Variants in MAB21L3 observed in about 807,000 individuals in gnomAD.
MAB21L3 encodes the protein protein mab-21-like 3.
In MAB21L3, 36 loss-of-function variants were observed where a neutral mutation model predicts 37.7. That is an observed-to-expected ratio of 0.96 (90% CI 0.73 to 1.26). The LOEUF (loss-of-function observed/expected upper bound fraction) is 1.26, where lower values mean the gene tolerates loss of function less well. MAB21L3 is among the 50% of genes most tolerant of loss of function. The probability of loss-of-function intolerance (pLI) is 0.00; values close to 1 mark genes in which losing one functional copy is unlikely to be tolerated. For missense variants in MAB21L3, 430 were observed against 447.3 expected (o/e 0.96, Z 0.35); for synonymous variants, 186 against 176.8 (o/e 1.05, Z -0.41).
At chr1:116,123,460 C>T (rs1234791290) in intron 4 of MAB21L3, among the ~76,000 whole-genome samples, 1 of 152,142 alleles carries the variant, frequency 6.6e-6, no homozygotes, top group African/African-American at 2.4e-5. Context: ...CTGTTACTTC[C>T]CACCTTTAAT....
At chr1:116,112,292 G>A in intron 2 of MAB21L3, 115 bp from the exon 3 acceptor site, 1 of 233,098 alleles carries the variant, frequency 4.3e-6, no homozygotes. Context: ...TTGGAAAATT[G>A]CTCTCTGGTG....
At position 116,124,224 on chromosome 1, in the gene MAB21L3, G is replaced by A. The variant is rs761408455; in HGVS notation, c.348G>A (p.Val116=). 3.9e-5 allele frequency: 63 copies of A among 1,614,090 alleles called. No homozygotes were observed. The highest frequency in any genetic ancestry group is 5.2e-5 in the Non-Finnish European group (61 of 1,180,042). ...DPEGLQQWLE[V]EQFMKSLWQW... ...AGGGTCTGCAGCAGTGGCTGGAGGTGGAACAGTTTATGAAGAGCCTGTGGC... is the reference window on the plus strand; with the variant it reads ...AGGGTCTGCAGCAGTGGCTGGAGGTAGAACAGTTTATGAAGAGCCTGTGGC... The change falls in exon 5 of 8, where the codon GTG becomes GTA. Residue 116 remains valine, a synonymous_variant. Transcript: ENST00000369500.
intron 5 of MAB21L3, among the ~76,000 whole-genome samples, chr1:116,126,996 G>A (rs1659925998): frequency 6.6e-6 from 1 of 152,200 alleles, no homozygotes; most frequent in South Asian, 2.1e-4. Flanking sequence ...AGGTAGGGTA[G>A]GCTAAGCTAT....
At chr1:116,132,185 A>G (rs1660083099) in intron 7 of MAB21L3, among the ~76,000 whole-genome samples, 1 of 152,144 alleles carries the variant, frequency 6.6e-6, no homozygotes, top group Admixed American at 6.5e-5. Context: ...ATGTAGTGAG[A>G]ATTAGAGCTG....
chr1:116,126,916 T>C lies in MAB21L3; in HGVS notation c.482-550T>C, dbSNP rs117502495. On this transcript the variant is annotated intron_variant, in intron 5 of 7. Transcript: ENST00000369500. ...TTCCATGAGATATTCAACACTTTAT[T>C]ATAAAATAGGCTTTGTGTTAGATGA... 6.6e-5 allele frequency among the ~76,000 whole-genome samples: 10 copies of C among 152,320 alleles called. 1 individual carries two copies. The East Asian group carries it at 1.9e-3, about 29-fold the overall frequency.
chr1:116,112,126 GT>G lies in MAB21L3; in HGVS notation c.-209-278del, dbSNP rs985756017. On this transcript the variant is annotated intron_variant, in intron 2 of 7. Coordinates refer to ENST00000369500, the MANE Select transcript of MAB21L3 (RefSeq NM_152367.3). ...TTTTCTGGCTTGGAGAGCAAGGGGT[GT>G]TTACTGTCAACAGGATAAGGACCAG... Among the ~76,000 whole-genome samples, 15 of 152,260 alleles carry G rather than the reference GT, an allele frequency of 9.9e-5. No homozygotes were observed. In the South Asian group the frequency reaches 1.7e-3, roughly 17 times the overall value.
intron 5 of MAB21L3, among the ~76,000 whole-genome samples, chr1:116,125,777 G>GTAAGATTT (rs1659892632): frequency 6.8e-6 from 1 of 146,048 alleles, no homozygotes; most frequent in African/African-American, 2.8e-5. Context: ...TTTCCTACCT[G>GTAAGATTT]TTTTAGAGAT....
intron 3 of MAB21L3, among the ~76,000 whole-genome samples, chr1:116,118,259 G>C (rs1017737145): frequency 2.0e-5 from 3 of 152,036 alleles, no homozygotes; most frequent in African/African-American, 4.8e-5. Flanking sequence ...GCACGTGCCT[G>C]TAGTCCCAGC....
In MAB21L3 at chr1:116,112,624, C is replaced by G; in HGVS notation, c.9C>G (p.Tyr3Ter). The change falls in exon 3 of 8, where the codon TAC (tyrosine) becomes TAG (stop). Residue 3 changes from tyrosine (Y) to a stop codon, truncating the protein, a stop_gained. Coordinates refer to ENST00000369500, the MANE Select transcript of MAB21L3 (RefSeq NM_152367.3). LOFTEE classifies it high-confidence loss of function. ...GGACTGACCAAGAAGCCATGAAATA[C>G]CTTACTGTGGGAGACTTAGAAGATT... MK[Y>*]LTVGDLEDCL... The G allele has an allele frequency of 6.2e-7, 1 of 1,613,574 alleles. No individual in the cohort carries two copies.
At chr1:116,112,692 A>G (rs767552206) in intron 3 of MAB21L3, 29 bp downstream of exon 3, 1 of 1,611,030 alleles carries the variant, frequency 6.2e-7, no homozygotes, top group Non-Finnish European at 8.5e-7. Context: ...TCTCCCATGA[A>G]CCCCCTCCCC....
chr1:116,119,698 G>C (rs920693748), intron 3 of MAB21L3, among the ~76,000 whole-genome samples: 2 of 152,178 alleles, frequency 1.3e-5, no homozygotes, highest in African/African-American at 4.8e-5. Context: ...TCCTGAGCAA[G>C]ATGACAAAGT....
chr1:116,125,889 C>T (rs953758418), intron 5 of MAB21L3, among the ~76,000 whole-genome samples: 3 of 151,854 alleles, frequency 2.0e-5, no homozygotes, highest in African/African-American at 4.9e-5. Flanking sequence ...GGGTGTGGGC[C>T]GGCAGGCTGG....
chr1:116,114,201 A>G (rs2101607199), intron 3 of MAB21L3, among the ~76,000 whole-genome samples: 1 of 152,314 alleles, frequency 6.6e-6, no homozygotes, highest in South Asian at 2.1e-4. Context: ...GGCAACTTAC[A>G]TGTCATATCA....
In MAB21L3 at chr1:116,133,766, G is replaced by A. The variant is rs1570816614; in HGVS notation, c.*401G>A. On this transcript the variant is annotated 3_prime_UTR_variant, in exon 8 of 8. Transcript: ENST00000369500. ...ATACTGTGCCCAGCCCACTGATCATGGGCACATTCTCCTGCCATTTGTAAA... is the reference window on the plus strand; with the variant it reads ...ATACTGTGCCCAGCCCACTGATCATAGGCACATTCTCCTGCCATTTGTAAA... 4.1e-6 allele frequency: 1 copy of A among 244,132 alleles called. No homozygotes were observed. Among genetic ancestry groups the A allele is most frequent in the Non-Finnish European group, 8.0e-6 (1 of 125,404 alleles). 15.1% of individuals were successfully genotyped at this position (244,132 alleles called of 1,614,324 possible). A position where few individuals can be genotyped will look rare whatever the true frequency, so the allele number is the denominator to read the frequency against.
At chr1:116,117,058 A>G (rs555161937) in intron 3 of MAB21L3, among the ~76,000 whole-genome samples, 1 of 151,874 alleles carries the variant, frequency 6.6e-6, no homozygotes, top group African/African-American at 2.4e-5. Flanking sequence ...ACACATGTAC[A>G]TACATACACA....
At chr1:116,132,626 G>A (rs375301022) in intron 7 of MAB21L3, among the ~76,000 whole-genome samples, 1 of 152,170 alleles carries the variant, frequency 6.6e-6, no homozygotes, top group African/African-American at 2.4e-5. Flanking sequence ...GCAGAGGGAA[G>A]AGTGAGGGCA....
At position 116,136,463 on chromosome 1, in the gene MAB21L3, T is replaced by G. The variant is rs749271791; in HGVS notation, c.*3098T>G. Among the ~76,000 whole-genome samples the G allele has an allele frequency of 4.3e-3, 653 of 151,914 alleles. 3 individuals are homozygous for G. Among genetic ancestry groups the G allele is most frequent in the African/African-American group, 0.013 (547 of 41,442 alleles). On this transcript the variant is annotated 3_prime_UTR_variant, in exon 8 of 8. Transcript: ENST00000369500. ...AGGAGAACTACAAACCACTGCTCAA[T>G]GAAATAAAAGAGGATACAAACAAAT...
chr1:116,137,914 A>G lies in MAB21L3; in HGVS notation c.*4549A>G, dbSNP rs1229006632. On this transcript the variant is annotated 3_prime_UTR_variant, in exon 8 of 8. Transcript: ENST00000369500. The stretch of plus-strand genomic sequence containing the variant: ...TGCATATTCTCACTCATAGGTGGGA[A>G]TTGAACAATGAGAACACATGGACAC... Among the ~76,000 whole-genome samples, 2 of 143,832 alleles carry G rather than the reference A, an allele frequency of 1.4e-5. No homozygotes were observed. The highest frequency in any genetic ancestry group is 5.2e-5 in the African/African-American group (2 of 38,662). 94.4% of individuals were successfully genotyped at this position (143,832 alleles called of 152,430 possible). A position where few individuals can be genotyped will look rare whatever the true frequency, so the allele number is the denominator to read the frequency against.
At chr1:116,129,303 C>T (rs528680774) in intron 7 of MAB21L3, among the ~76,000 whole-genome samples, 1 of 152,228 alleles carries the variant, frequency 6.6e-6, no homozygotes, top group Non-Finnish European at 1.5e-5. Context: ...AATTGTGAAC[C>T]ACACAGAGTG....
Sources: allele counts gnomAD v4.1 joint callset (sites outside exome capture counted in the v4.1 genomes callset), GRCh38; gene constraint gnomAD v4.1.1; transcripts MANE v1.5; gene names NCBI Gene and HGNC (gene_info 2026-07-23, HGNC 2026-07-21).